Variants in RALGPS1 observed in about 807,000 individuals in gnomAD.
The protein encoded by RALGPS1 is ras-specific guanine nucleotide-releasing factor RalGPS1.
Under a neutral mutation model 78.8 loss-of-function variants are expected in RALGPS1, and 19 were observed. The ratio of observed to expected loss-of-function variants is 0.24; its 90% CI spans 0.17 to 0.35. RALGPS1 has a LOEUF of 0.35. Among genes scored for constraint, RALGPS1 ranks in the 10% least tolerant of loss-of-function variants. The probability of loss-of-function intolerance (pLI) is 1.00; values close to 1 mark genes in which losing one functional copy is unlikely to be tolerated. For missense variants in RALGPS1, 454 were observed against 688.3 expected (o/e 0.66, Z 3.81); for synonymous variants, 228 against 256.3 (o/e 0.89, Z 1.06).
At chr9:127,022,345 G>A (rs996053448) in intron 4 of RALGPS1, among the ~76,000 whole-genome samples, 2 of 151,930 alleles carry the variant, frequency 1.3e-5, no homozygotes, top group Non-Finnish European at 2.9e-5. Flanking sequence ...CAAATATCCC[G>A]TGCACTTACC....
At position 126,985,963 on chromosome 9, in the gene RALGPS1, G is replaced by A. The variant is rs80307038; in HGVS notation, c.216+8218G>A. The stretch of plus-strand genomic sequence containing the variant: ...TTTAGGCACACTGCCAAGCGAGGGC[G>A]TGTGCCAACCAAAGGAGCGATATTA... On this transcript the variant is annotated intron_variant, in intron 4 of 18. Coordinates refer to ENST00000259351, the MANE Select transcript of RALGPS1 (RefSeq NM_014636.3). Among the ~76,000 whole-genome samples, 65 of 152,362 alleles carry A rather than the reference G, an allele frequency of 4.3e-4. No individual in the cohort carries two copies. The East Asian group carries it at 5.6e-3, about 13-fold the overall frequency.
At chr9:127,007,947 C>A (rs185267317) in intron 4 of RALGPS1, among the ~76,000 whole-genome samples, 22 of 152,218 alleles carry the variant, frequency 1.4e-4, no homozygotes, top group Non-Finnish European at 2.4e-4. Flanking sequence ...AGAGACTTTC[C>A]TGTGGTCTAG....
At chr9:126,938,503 T>A (rs2036470159) in intron 1 of RALGPS1, among the ~76,000 whole-genome samples, 1 of 152,066 alleles carries the variant, frequency 6.6e-6, no homozygotes, top group African/African-American at 2.4e-5. Flanking sequence ...CCAGCATGAT[T>A]ACATGTTGGT....
chr9:127,213,922 T>A (rs1012738143), intron 17 of RALGPS1: 1 of 152,224 alleles, frequency 6.6e-6, no homozygotes, highest in Non-Finnish European at 1.5e-5. Flanking sequence ...GGCTCTAATG[T>A]TCTTAGCTGA....
chr9:126,977,898 T>C (rs1219871799), intron 4 of RALGPS1, 153 bp downstream of exon 4: 5 of 534,196 alleles, frequency 9.4e-6, no homozygotes, highest in Non-Finnish European at 1.6e-5. Context: ...ATGGTGCTCA[T>C]GTTTTTGAGC....
chr9:126,982,916 CTT>C (rs2041418882), intron 4 of RALGPS1, among the ~76,000 whole-genome samples: 1 of 76,844 alleles, frequency 1.3e-5, no homozygotes, highest in South Asian at 7.7e-4. Flanking sequence ...TCTTCTTCTT[CTT>C]CTTCTTCTTC....
Position 126,962,319 on chromosome 9 carries a change from C to T in RALGPS1, c.30C>T (p.Ser10=), listed in dbSNP as rs144538015. Residue 10 remains serine, a synonymous_variant, in exon 2 of 19, where the codon AGC becomes AGT. Coordinates refer to ENST00000259351, the MANE Select transcript of RALGPS1 (RefSeq NM_014636.3). ...ACAAGAGGAATGGTCTGATGGCTAG[C>T]GTGTTGGTCACCTCTGCCACTCCAC... The part of the protein sequence containing the change: MYKRNGLMA[S]VLVTSATPQG... 143 of 1,614,040 alleles carry T rather than the reference C, an allele frequency of 8.9e-5. No homozygotes were observed. Among genetic ancestry groups the T allele is most frequent in the Non-Finnish European group, 1.2e-4 (136 of 1,180,018 alleles).
intron 4 of RALGPS1, among the ~76,000 whole-genome samples, chr9:127,015,132 A>T (rs1273958163): frequency 6.6e-6 from 1 of 152,196 alleles, no homozygotes; most frequent in South Asian, 2.1e-4. Flanking sequence ...CTTTGTAGAT[A>T]GTCACTATTA....
rs1056727292 is a variant in RALGPS1, at chr9:127,217,241, G to A, written c.1645-1499G>A. ...TCTGATTTTCAGACCTGGAGGAGGG[G>A]ATTTTTCTTCCTACTTTCCCCCTTT... On this transcript the variant is annotated intron_variant, in intron 18 of 18. Coordinates refer to ENST00000259351, the MANE Select transcript of RALGPS1 (RefSeq NM_014636.3). The A allele has an allele frequency of 3.3e-6, 4 of 1,209,078 alleles. No homozygotes were observed. In the African/African-American group the frequency reaches 4.7e-5, roughly 14 times the overall value. The allele number at this position is 1,209,078 out of a possible 1,614,324, so 74.9% of individuals were successfully genotyped here.
chr9:127,209,755 G>T (rs1564800354), intron 14 of RALGPS1, among the ~76,000 whole-genome samples: 4 of 152,176 alleles, frequency 2.6e-5, no homozygotes. Flanking sequence ...CCCCTGGGCA[G>T]GTACGATGTA....
At chr9:126,922,010 G>A (rs1440685207) in intron 1 of RALGPS1, among the ~76,000 whole-genome samples, 1 of 152,176 alleles carries the variant, frequency 6.6e-6, no homozygotes, top group Admixed American at 6.5e-5. Flanking sequence ...AGCATGTCCA[G>A]GGTGGCAGGC....
At chr9:127,044,625 C>T (rs2047596537) in intron 5 of RALGPS1, among the ~76,000 whole-genome samples, 1 of 152,150 alleles carries the variant, frequency 6.6e-6, no homozygotes, top group African/African-American at 2.4e-5. Flanking sequence ...AGGTTTGTTA[C>T]ATGAGTATAT....
At chr9:126,977,435 C>T (rs1225287090) in intron 3 of RALGPS1, among the ~76,000 whole-genome samples, 1 of 152,164 alleles carries the variant, frequency 6.6e-6, no homozygotes, top group African/African-American at 2.4e-5. Flanking sequence ...GCCCACCCCC[C>T]AAACAACTTT....
intron 4 of RALGPS1, among the ~76,000 whole-genome samples, chr9:127,020,857 T>C (rs1021422529): frequency 4.3e-4 from 66 of 152,214 alleles, no homozygotes; most frequent in African/African-American, 1.5e-3. Flanking sequence ...AGCAAATTGT[T>C]GAACTTCTCC....
intron 1 of RALGPS1, among the ~76,000 whole-genome samples, chr9:126,960,338 A>G (rs1394061382): frequency 1.3e-5 from 2 of 150,570 alleles, no homozygotes; most frequent in African/African-American, 4.9e-5. Context: ...GGTTCAAGCA[A>G]TTCTCTTGCC....
intron 6 of RALGPS1, among the ~76,000 whole-genome samples, chr9:127,051,609 A>C (rs778285763): frequency 1.3e-5 from 2 of 152,222 alleles, no homozygotes; most frequent in African/African-American, 4.8e-5. Context: ...GAATGTTACG[A>C]GATGTATGAA....
chr9:127,216,832 C>T (rs2062609439), intron 18 of RALGPS1: 12 of 1,360,686 alleles, frequency 8.8e-6, no homozygotes, highest in Non-Finnish European at 1.2e-5. Flanking sequence ...CCATGTGTGT[C>T]TGGGGTCCCT....
chr9:127,079,123 A>C (rs1430785967), intron 8 of RALGPS1, among the ~76,000 whole-genome samples: 1 of 152,206 alleles, frequency 6.6e-6, no homozygotes, highest in Non-Finnish European at 1.5e-5. Flanking sequence ...GTAAAACCAC[A>C]CCTGAGAAGG....
intron 6 of RALGPS1, among the ~76,000 whole-genome samples, chr9:127,051,512 T>G (rs1478603942): frequency 6.6e-6 from 1 of 152,202 alleles, no homozygotes; most frequent in Non-Finnish European, 1.5e-5. Flanking sequence ...TAAAAAGAAG[T>G]TCTGTGACAG....
Sources: gnomAD v4.1 joint callset for allele counts (sites outside exome capture counted in the v4.1 genomes callset) on GRCh38, gnomAD v4.1.1 for gene constraint, MANE v1.5 for transcripts, NCBI Gene and HGNC (gene_info 2026-07-23, HGNC 2026-07-21) for gene names.